The following C10orf71 variants were observed in gnomAD, a reference collection of about 807,000 sequenced individuals.
The protein encoded by C10orf71 is cardiac-enriched FHL2-interacting protein.
For synonymous variants in C10orf71, 758 were observed against 726.3 expected (o/e 1.04, Z -0.70); for missense variants, 1,869 against 1,804.5 (o/e 1.04, Z -0.65).
At chr10:49,319,141 G>A (rs962901260) in intron 2 of C10orf71, among the ~76,000 whole-genome samples, 3 of 152,124 alleles carry the variant, frequency 2.0e-5, no homozygotes, top group South Asian at 2.1e-4. Flanking sequence ...TCCACTCTGG[G>A]GTCAATACTT....
chr10:49,311,390 C>T (rs1848911600), intron 1 of C10orf71, among the ~76,000 whole-genome samples: 1 of 152,216 alleles, frequency 6.6e-6, no homozygotes, highest in Admixed American at 6.5e-5. Flanking sequence ...GGCTGCCAGC[C>T]AGGAGCCCCG....
At position 49,326,940 on chromosome 10, in the gene C10orf71, C is replaced by G; in HGVS notation, c.*87C>G. 6.4e-7 allele frequency: 1 copy of G among 1,557,986 alleles called. No individual in the cohort carries two copies. Among genetic ancestry groups the G allele is most frequent in the African/African-American group, 1.4e-5 (1 of 72,856 alleles). ...AAAACAAGCAACACACACACACACA[C>G]ACACACACACACACACACACACGAT... On this transcript the variant is annotated 3_prime_UTR_variant, in exon 3 of 3. Transcript: ENST00000374144.
chr10:49,297,548 A>G (rs1848658452), upstream of C10orf71, among the ~76,000 whole-genome samples: 1 of 152,260 alleles, frequency 6.6e-6, no homozygotes, highest in African/African-American at 2.4e-5. Context: ...GGGAAAAAAT[A>G]ACAAATAAAT....
At chr10:49,314,222 G>A (rs1848962596) in intron 1 of C10orf71, among the ~76,000 whole-genome samples, 1 of 152,142 alleles carries the variant, frequency 6.6e-6, no homozygotes, top group Non-Finnish European at 1.5e-5. Flanking sequence ...TGGAGGTAGA[G>A]GGGAGATATG....
At chr10:49,297,237 T>G (rs969924367), upstream of C10orf71, among the ~76,000 whole-genome samples, 4 of 152,232 alleles carry the variant, frequency 2.6e-5, no homozygotes, top group African/African-American at 9.6e-5. Flanking sequence ...TCAGCTCATG[T>G]TACTCACACC....
At position 49,324,125 on chromosome 10, in the gene C10orf71, C is replaced by A; in HGVS notation, c.1580C>A (p.Thr527Asn). The part of the protein sequence containing the change: ...SPLLKVLDEK[T>N]RGKVDGKQEP... ...CTCTTGAAAGTGCTTGATGAGAAAA[C>A]TAGAGGTAAGGTTGATGGAAAGCAA... The change falls in exon 3 of 3, where the codon ACT becomes AAT. Residue 527 changes from threonine (T) to asparagine (N), a missense_variant. Transcript: ENST00000374144. 6.2e-7 allele frequency: 1 copy of A among 1,613,940 alleles called. No homozygotes were observed. The highest frequency in any genetic ancestry group is 8.5e-7 in the Non-Finnish European group (1 of 1,179,892).
intron 1 of C10orf71, among the ~76,000 whole-genome samples, chr10:49,314,511 A>G (rs759174363): frequency 1.3e-5 from 2 of 152,218 alleles, no homozygotes; most frequent in Non-Finnish European, 2.9e-5. Flanking sequence ...TTTCACTGGC[A>G]TCTGGAAAAT....
Position 49,326,342 on chromosome 10 carries a change from C to T in C10orf71, c.3797C>T (p.Pro1266Leu). The part of the protein sequence containing the change: ...RRPGGPQSLT[P>L]LPAYPATQKV... Reference sequence around the variant, plus strand: ...CCCGGGGGCCCCCAGTCCCTCACACCCCTGCCCGCGTACCCCGCCACCCAG... The same window carrying T: ...CCCGGGGGCCCCCAGTCCCTCACACTCCTGCCCGCGTACCCCGCCACCCAG... Residue 1266 changes from proline (P) to leucine (L), a missense_variant, in exon 3 of 3, where the codon CCC becomes CTC. Physicochemically the swap from Pro to Leu is moderately conservative, Grantham distance 98 (BLOSUM62 -3). Coordinates refer to ENST00000374144, the MANE Select transcript of C10orf71 (RefSeq NM_001135196.2). 2 of 1,550,188 alleles carry T rather than the reference C, an allele frequency of 1.3e-6. No individual in the cohort carries two copies. Among genetic ancestry groups the T allele is most frequent in the African/African-American group, 1.4e-5 (1 of 73,166 alleles).
upstream of C10orf71, among the ~76,000 whole-genome samples, chr10:49,297,782 G>A (rs981976676): frequency 2.6e-5 from 4 of 152,208 alleles, no homozygotes; most frequent in Non-Finnish European, 5.9e-5. Context: ...TCAAGTTGAT[G>A]GCTTTTGTCT....
At chr10:49,308,610 A>C (rs1848857826) in intron 1 of C10orf71, among the ~76,000 whole-genome samples, 2 of 152,198 alleles carry the variant, frequency 1.3e-5, no homozygotes, top group Admixed American at 1.3e-4. Flanking sequence ...AATCAGAGGT[A>C]ATTGTGCTTT....
In C10orf71 at chr10:49,326,288, C is replaced by G. The variant is rs1849242731; in HGVS notation, c.3743C>G (p.Ser1248Cys). The G allele has an allele frequency of 3.2e-6, 5 of 1,550,028 alleles. No individual in the cohort carries two copies. The highest frequency in any genetic ancestry group is 4.4e-6 in the Non-Finnish European group (5 of 1,146,640). ...CCTCCCGTGCACCGCCACTCCGTGT[C>G]CGGCTTCTCGGAGCCTGTCGGGAGG... ...LPPPVHRHSV[S>C]GFSEPVGRRP... The change falls in exon 3 of 3, where the codon TCC becomes TGC. Residue 1248 changes from serine to cysteine, a missense_variant. Coordinates refer to ENST00000374144, the MANE Select transcript of C10orf71 (RefSeq NM_001135196.2).
At position 49,324,753 on chromosome 10, in the gene C10orf71, C is replaced by A; in HGVS notation, c.2208C>A (p.Ser736=). The A allele has an allele frequency of 6.4e-7, 1 of 1,560,122 alleles. No individual in the cohort carries two copies. The highest frequency in any genetic ancestry group is 8.7e-7 in the Non-Finnish European group (1 of 1,150,700). The change falls in exon 3 of 3, where the codon TCC becomes TCA. Residue 736 remains serine (S), a synonymous_variant. Coordinates refer to ENST00000374144, the MANE Select transcript of C10orf71 (RefSeq NM_001135196.2). The part of the protein sequence containing the change: ...AKFSTSSSDQ[S]FASFDDQQKM... ...TCAGCACCAGCTCTTCAGATCAATC[C>A]TTTGCCTCATTTGATGATCAGCAGA... is the stretch of plus-strand genomic sequence containing the variant.
intron 1 of C10orf71, among the ~76,000 whole-genome samples, chr10:49,314,067 G>A (rs1025074831): frequency 5.3e-5 from 8 of 152,214 alleles, no homozygotes; most frequent in African/African-American, 1.7e-4. Context: ...CAAAGTGAAA[G>A]AGTATCTTAA....
chr10:49,326,264 C>G lies in C10orf71; in HGVS notation c.3719C>G (p.Pro1240Arg), dbSNP rs906848852. 9.7e-6 allele frequency: 15 copies of G among 1,549,854 alleles called. No homozygotes were observed. The highest frequency in any genetic ancestry group is 1.3e-5 in the Non-Finnish European group (15 of 1,146,496). ...HNFPVVRSLPPPVHRHSVSGF... is the reference protein window; with the variant it reads ...HNFPVVRSLPRPVHRHSVSGF... ...TTCCCCGTGGTCCGTTCCCTGCCCC[C>G]TCCCGTGCACCGCCACTCCGTGTCC... Residue 1240 changes from proline (P) to arginine (R), a missense_variant, in exon 3 of 3, where the codon CCT becomes CGT. By Grantham distance (103) the Pro-to-Arg change is moderately radical (BLOSUM62 -2). Transcript: ENST00000374144.
Position 49,323,339 on chromosome 10 carries a change from G to A in C10orf71, c.794G>A (p.Gly265Asp). ...CCAGTCACGGGTGAGCCTGGGAGAG[G>A]CAAAGGTACCTTTCTGCACAGTGAA... ...HKPVTGEPGR[G>D]KGTFLHSENS... The change falls in exon 3 of 3, where the codon GGC (glycine) becomes GAC (aspartate). Residue 265 changes from glycine (G) to aspartate (D), a missense_variant. By Grantham distance (94) the Gly-to-Asp change is moderately conservative. Transcript: ENST00000374144. 1.9e-6 allele frequency: 3 copies of A among 1,613,842 alleles called. No individual in the cohort carries two copies. The highest frequency in any genetic ancestry group is 2.5e-6 in the Non-Finnish European group (3 of 1,179,820).
Position 49,327,159 on chromosome 10 carries a change from C to A in C10orf71, c.*306C>A. 1.2e-6 allele frequency: 1 copy of A among 823,510 alleles called. No individual in the cohort carries two copies. The highest frequency in any genetic ancestry group is 1.7e-6 in the Non-Finnish European group (1 of 575,634). 51.0% of individuals were successfully genotyped at this position (823,510 alleles called of 1,614,324 possible). A position where few individuals can be genotyped will look rare whatever the true frequency, so the allele number is the denominator to read the frequency against. ...CTCCCTCCCTCCCTTCCTCCCTCTCCTGGCCCACCCTGCTCTTCCCTCGCC... is the reference window on the plus strand; with the variant it reads ...CTCCCTCCCTCCCTTCCTCCCTCTCATGGCCCACCCTGCTCTTCCCTCGCC... On this transcript the variant is annotated 3_prime_UTR_variant, in exon 3 of 3. Transcript: ENST00000374144.
chr10:49,326,999 A>C lies in C10orf71; in HGVS notation c.*146A>C, dbSNP rs1849274286. 2 of 1,570,110 alleles carry C rather than the reference A, an allele frequency of 1.3e-6. No individual in the cohort carries two copies. Among genetic ancestry groups the C allele is most frequent in the Non-Finnish European group, 8.6e-7 (1 of 1,158,324 alleles). ...CATACTTAGCCTTTTTAGATCCATAAAGTCCAGAAGGCAGTAGGGATCCCA... is the reference window on the plus strand; with the variant it reads ...CATACTTAGCCTTTTTAGATCCATACAGTCCAGAAGGCAGTAGGGATCCCA... On this transcript the variant is annotated 3_prime_UTR_variant, in exon 3 of 3. Transcript: ENST00000374144.
At chr10:49,301,892 C>T (rs930558745) in intron 1 of C10orf71, among the ~76,000 whole-genome samples, 7 of 152,172 alleles carry the variant, frequency 4.6e-5, no homozygotes, top group East Asian at 3.9e-4. Flanking sequence ...GCCTTCCTTG[C>T]GTCCTCCATT....
chr10:49,298,880 G>A (rs1590318267), upstream of C10orf71: 3 of 152,266 alleles, frequency 2.0e-5, no homozygotes, highest in East Asian at 5.8e-4. Flanking sequence ...GACATCAGCA[G>A]GGCTCTGGGC....
Sources: allele counts gnomAD v4.1 joint callset (sites outside exome capture counted in the v4.1 genomes callset), GRCh38; gene constraint gnomAD v4.1.1; transcripts MANE v1.5; gene names NCBI Gene and HGNC (gene_info 2026-07-23, HGNC 2026-07-21).